TRIM37: variants seen among roughly 807,000 people sequenced by gnomAD.
TRIM37 encodes tripartite motif containing 37.
In TRIM37, 80 loss-of-function variants were observed where a neutral mutation model predicts 129.8. The ratio of observed to expected loss-of-function variants is 0.62; its 90% CI spans 0.51 to 0.74. TRIM37 has a LOEUF of 0.74. Among genes scored for constraint, TRIM37 ranks in the 30% least tolerant of loss-of-function variants. The probability of loss-of-function intolerance (pLI) is 0.00; values close to 1 mark genes in which losing one functional copy is unlikely to be tolerated. For synonymous variants in TRIM37, 389 were observed against 387.1 expected (o/e 1.00, Z -0.06); for missense variants, 1,054 against 1,176.5 (o/e 0.90, Z 1.52).
chr17:59,021,968 AAAAAGGCTGTT>A (rs563651955), intron 19 of TRIM37, among the ~76,000 whole-genome samples: 108 of 152,310 alleles, frequency 7.1e-4, no homozygotes, highest in African/African-American at 2.5e-3. Flanking sequence ...AACAGAAATT[AAAAAGGCTGTT>A]AAAGTTCTAA....
chr17:59,042,054 T>C (rs988834117), intron 16 of TRIM37, among the ~76,000 whole-genome samples, 156 bp from the exon 17 acceptor site: 1 of 152,156 alleles, frequency 6.6e-6, no homozygotes, highest in Non-Finnish European at 1.5e-5. Flanking sequence ...CAAATTTAAG[T>C]AGCGTTAATG....
the TRIM37 span, chr17:58,969,871 T>C: frequency 1.3e-6 from 1 of 781,386 alleles, no homozygotes; most frequent in Non-Finnish European, 2.0e-6. Context: ...TTGGATTCTG[T>C]TGTAGTTCCA....
In TRIM37 at chr17:59,031,883, G is replaced by A; in HGVS notation, c.1948+13C>T. ...CACAGAAAAAAAGGAAATTATCATT[G>A]TTATTATTTTACCTGTGGGCTGCAG... is the stretch of plus-strand genomic sequence containing the variant. On this transcript the variant is annotated intron_variant, in intron 18 of 23. Transcript: ENST00000262294. The A allele has an allele frequency of 6.2e-7, 1 of 1,612,694 alleles. No individual in the cohort carries two copies. The highest frequency in any genetic ancestry group is 1.7e-5 in the Admixed American group (1 of 59,672).
intron 16 of TRIM37, among the ~76,000 whole-genome samples, chr17:59,043,122 G>A (rs1203251162): frequency 6.6e-6 from 1 of 151,886 alleles, no homozygotes; most frequent in African/African-American, 2.4e-5. Context: ...CTTCCTACTC[G>A]GCCATACAAA....
At chr17:59,019,194 T>A (rs1367457944) in intron 19 of TRIM37, among the ~76,000 whole-genome samples, 1 of 152,178 alleles carries the variant, frequency 6.6e-6, no homozygotes, top group Non-Finnish European at 1.5e-5. Flanking sequence ...CAAAAACTTG[T>A]ACATGAACGT....
intron 19 of TRIM37, among the ~76,000 whole-genome samples, chr17:59,018,608 C>T (rs565521826): frequency 6.6e-6 from 1 of 152,218 alleles, no homozygotes; most frequent in South Asian, 2.1e-4. Context: ...ATAGAGACAA[C>T]AGCAAAGACA....
At chr17:59,012,533 T>C (rs1469920741) in intron 21 of TRIM37, 87 bp from the exon 22 acceptor site, 3 of 899,484 alleles carry the variant, frequency 3.3e-6, no homozygotes, top group African/African-American at 1.6e-5. Context: ...CCAAACTAAG[T>C]AGGGTACGTG....
Position 59,076,307 on chromosome 17 carries a change from AAAGC to A in TRIM37, c.617-597_617-594del, listed in dbSNP as rs2042809165. ...TGTAATCCCAGCACTTTGGGAGGCCAAAGCAAGAGGATAACTTGAGCCTAGGTAT... is the reference window on the plus strand; with the variant it reads ...TGTAATCCCAGCACTTTGGGAGGCCAAAGAGGATAACTTGAGCCTAGGTAT... On this transcript the variant is annotated intron_variant, in intron 7 of 23. Transcript: ENST00000262294. 3.3e-5 allele frequency among the ~76,000 whole-genome samples: 5 copies of A among 152,346 alleles called. No homozygotes were observed. The South Asian group carries it at 1.0e-3, about 32-fold the overall frequency.
chr17:59,044,802 G>C (rs907845071), intron 16 of TRIM37, among the ~76,000 whole-genome samples: 1 of 152,134 alleles, frequency 6.6e-6, no homozygotes, highest in Non-Finnish European at 1.5e-5. Context: ...ATCCAAGGGC[G>C]GGGTCCTAGA....
At chr17:58,975,559 T>C in the TRIM37 span, among the ~76,000 whole-genome samples, 1 of 152,124 alleles carries the variant, frequency 6.6e-6, no homozygotes, top group African/African-American at 2.4e-5. Flanking sequence ...TGGAGGATAA[T>C]GTGCTGGGAA....
intron 16 of TRIM37, among the ~76,000 whole-genome samples, chr17:59,042,328 T>C (rs998352245): frequency 8.9e-5 from 13 of 145,658 alleles, no homozygotes; most frequent in African/African-American, 2.8e-4. Flanking sequence ...TGAGCCAAGA[T>C]TGCACAACTG....
At chr17:59,075,031 G>A (rs1415218222) in intron 8 of TRIM37, among the ~76,000 whole-genome samples, 1 of 152,070 alleles carries the variant, frequency 6.6e-6, no homozygotes, top group Non-Finnish European at 1.5e-5. Context: ...ATATCTCAAA[G>A]CCACCACTTA....
chr17:59,037,441 C>T (rs2145780947), intron 17 of TRIM37, among the ~76,000 whole-genome samples: 1 of 151,180 alleles, frequency 6.6e-6, no homozygotes, highest in African/African-American at 2.4e-5. Flanking sequence ...GCCTGTAGTC[C>T]CAGCTATTCG....
exon 25 of TRIM37, chr17:58,982,824 G>A: frequency 1.5e-6 from 2 of 1,291,602 alleles, no homozygotes; most frequent in Non-Finnish European, 2.2e-6. Context: ...TCATTCTGAG[G>A]CTTTGCCCCA....
chr17:59,086,346 T>C (rs143365918), intron 4 of TRIM37, among the ~76,000 whole-genome samples: 1 of 151,958 alleles, frequency 6.6e-6, no homozygotes, highest in Non-Finnish European at 1.5e-5. Flanking sequence ...CAAGCAATTC[T>C]TGCTGCCTCA....
intron 16 of TRIM37, among the ~76,000 whole-genome samples, chr17:59,044,986 C>A (rs2039625204): frequency 6.6e-6 from 1 of 151,602 alleles, no homozygotes; most frequent in South Asian, 2.1e-4. Context: ...GAGCTATAAT[C>A]ATGCCACCAT....
chr17:59,064,342 CA>C lies in TRIM37; in HGVS notation c.860+12del. 1.3e-6 allele frequency: 2 copies of C among 1,592,350 alleles called. No homozygotes were observed. The highest frequency in any genetic ancestry group is 1.3e-5 in the African/African-American group (1 of 74,320). ...ACACATACAAAAAAACCAGAATTGT[CA>C]AAAACTCTTACCTGAAATTCTCTAA... On this transcript the variant is annotated intron_variant, in intron 10 of 23. Coordinates refer to ENST00000262294, the MANE Select transcript of TRIM37 (RefSeq NM_015294.6).
At chr17:58,971,891 G>GGAATT in the TRIM37 span, among the ~76,000 whole-genome samples, 1 of 152,128 alleles carries the variant, frequency 6.6e-6, no homozygotes, top group African/African-American at 2.4e-5. Flanking sequence ...TATTTAAAGT[G>GGAATT]GAATTAATAA....
intron 17 of TRIM37, among the ~76,000 whole-genome samples, chr17:59,038,513 G>C (rs990562160): frequency 1.3e-5 from 2 of 152,088 alleles, no homozygotes; most frequent in African/African-American, 4.8e-5. Flanking sequence ...GGCTCCATAA[G>C]AACAGGGATA....
Sources: allele counts gnomAD v4.1 joint callset (sites outside exome capture counted in the v4.1 genomes callset), GRCh38; gene constraint gnomAD v4.1.1; transcripts MANE v1.5; gene names NCBI Gene and HGNC (gene_info 2026-07-23, HGNC 2026-07-21).